NDUFS4: variants seen among roughly 807,000 people sequenced by gnomAD.
The protein encoded by NDUFS4 is NADH dehydrogenase [ubiquinone] iron-sulfur protein 4, mitochondrial.
In NDUFS4, 28 loss-of-function variants were observed where a neutral mutation model predicts 24.3. That is an observed-to-expected ratio of 1.15 (90% CI 0.85 to 1.58). The LOEUF (loss-of-function observed/expected upper bound fraction) is 1.58, where lower values mean the gene tolerates loss of function less well. NDUFS4 is among the 40% of genes most tolerant of loss of function. The pLI, the probability that NDUFS4 is intolerant of heterozygous loss-of-function variation, is 0.00. For synonymous variants in NDUFS4, 93 were observed against 69.7 expected, an observed-to-expected ratio of 1.34 and a Z score of -1.67; for missense variants, 223 against 207.9, an observed-to-expected ratio of 1.07 and a Z score of -0.45.
chr5:53,649,643 G>A (rs1236767755), intron 3 of NDUFS4, among the ~76,000 whole-genome samples: 1 of 152,130 alleles, frequency 6.6e-6, no homozygotes, highest in Non-Finnish European at 1.5e-5. Flanking sequence ...CTTTGCTATT[G>A]TGAATGGTTT....
At chr5:53,647,062 T>A (rs184364175) in intron 3 of NDUFS4, among the ~76,000 whole-genome samples, 2 of 151,534 alleles carry the variant, frequency 1.3e-5, no homozygotes, top group Non-Finnish European at 2.9e-5. Context: ...TACAATAAAC[T>A]TCTTTGTAAT....
At chr5:53,637,541 C>T (rs970119334) in intron 2 of NDUFS4, among the ~76,000 whole-genome samples, 1 of 152,020 alleles carries the variant, frequency 6.6e-6, no homozygotes, top group Admixed American at 6.6e-5. Flanking sequence ...AAGGATTATG[C>T]AGGGGGAGAA....
intron 1 of NDUFS4, among the ~76,000 whole-genome samples, chr5:53,600,452 G>A (rs2112453403): frequency 6.6e-6 from 1 of 152,204 alleles, no homozygotes; most frequent in South Asian, 2.1e-4. Context: ...GGGACTACAG[G>A]CATGCCCCAC....
At chr5:53,563,462 A>C (rs528494334) in intron 1 of NDUFS4, among the ~76,000 whole-genome samples, 1 of 151,066 alleles carries the variant, frequency 6.6e-6, no homozygotes. Context: ...ATTTCCCTGT[A>C]CCGAATGTGA....
At chr5:53,659,369 CTA>C (rs1752262055) in intron 4 of NDUFS4, among the ~76,000 whole-genome samples, 1 of 152,072 alleles carries the variant, frequency 6.6e-6, no homozygotes, top group African/African-American at 2.4e-5. Flanking sequence ...CACTTTGAAG[CTA>C]TATGATTTTG....
chr5:53,620,478 A>G (rs1178649095), intron 2 of NDUFS4, among the ~76,000 whole-genome samples: 1 of 152,198 alleles, frequency 6.6e-6, no homozygotes, highest in Non-Finnish European at 1.5e-5. Flanking sequence ...TTGCTGGTTG[A>G]TGAGATTTCT....
chr5:53,614,679 T>C (rs1750792801), intron 2 of NDUFS4, among the ~76,000 whole-genome samples: 1 of 152,018 alleles, frequency 6.6e-6, no homozygotes, highest in Non-Finnish European at 1.5e-5. Context: ...ATGCTAGTGC[T>C]GTATAACAGT....
intron 1 of NDUFS4, among the ~76,000 whole-genome samples, chr5:53,597,272 G>A (rs983431335): frequency 3.3e-5 from 5 of 152,178 alleles, no homozygotes; most frequent in Admixed American, 2.0e-4. Flanking sequence ...CTAAGAGACA[G>A]GGAGTGAAAA....
intron 4 of NDUFS4, among the ~76,000 whole-genome samples, chr5:53,681,154 C>T (rs561380742): frequency 1.3e-5 from 2 of 152,100 alleles, no homozygotes; most frequent in African/African-American, 4.8e-5. Context: ...TATTGAGTGC[C>T]TACTATAAAC....
intron 4 of NDUFS4, 102 bp from the exon 5 acceptor site, chr5:53,683,016 A>C: frequency 1.2e-6 from 1 of 811,912 alleles, no homozygotes; most frequent in Non-Finnish European, 2.2e-6. Context: ...ATGATAAATG[A>C]ACATTAAGTT....
At chr5:53,652,137 G>A (rs1380078362) in intron 3 of NDUFS4, among the ~76,000 whole-genome samples, 2 of 152,056 alleles carry the variant, frequency 1.3e-5, no homozygotes, top group East Asian at 1.9e-4. Flanking sequence ...TGGCTTGGAG[G>A]GTTTAACAGA....
At chr5:53,671,922 T>C (rs1393288933) in intron 4 of NDUFS4, among the ~76,000 whole-genome samples, 9 of 152,184 alleles carry the variant, frequency 5.9e-5, no homozygotes, top group African/African-American at 2.2e-4. Flanking sequence ...AAAAACTCTT[T>C]GAAATTCTCA....
intron 1 of NDUFS4, among the ~76,000 whole-genome samples, chr5:53,585,996 G>A (rs748626403): frequency 6.6e-6 from 1 of 151,970 alleles, no homozygotes; most frequent in Admixed American, 6.6e-5. Context: ...GCATTGCTTT[G>A]CTGACTAGTA....
chr5:53,585,042 C>T (rs1346558584), intron 1 of NDUFS4, among the ~76,000 whole-genome samples: 1 of 152,092 alleles, frequency 6.6e-6, no homozygotes, highest in Non-Finnish European at 1.5e-5. Context: ...GGATTTCAGA[C>T]GTGGGCCATA....
intron 4 of NDUFS4, among the ~76,000 whole-genome samples, chr5:53,667,595 C>A (rs1752555995): frequency 6.6e-6 from 1 of 151,812 alleles, no homozygotes; most frequent in Non-Finnish European, 1.5e-5. Flanking sequence ...GAAGGACATG[C>A]AAATGGATCC....
intron 1 of NDUFS4, among the ~76,000 whole-genome samples, chr5:53,581,068 G>T (rs775748384): frequency 3.3e-5 from 5 of 152,066 alleles, no homozygotes; most frequent in African/African-American, 4.8e-5. Context: ...CCCAACCTCA[G>T]GTGATCTGCT....
chr5:53,681,673 C>T (rs892395766), intron 4 of NDUFS4, among the ~76,000 whole-genome samples: 3 of 152,070 alleles, frequency 2.0e-5, no homozygotes, highest in African/African-American at 7.2e-5. Context: ...TATTTTCTCT[C>T]CTGGATTCTG....
At chr5:53,661,676 T>C (rs187729057) in intron 4 of NDUFS4, among the ~76,000 whole-genome samples, 14 of 152,318 alleles carry the variant, frequency 9.2e-5, no homozygotes, top group Admixed American at 7.8e-4. Flanking sequence ...TTTTATTTCA[T>C]TGAGCAGTGG....
chr5:53,623,974 C>T (rs1751141216), intron 2 of NDUFS4, among the ~76,000 whole-genome samples: 1 of 152,198 alleles, frequency 6.6e-6, no homozygotes, highest in Non-Finnish European at 1.5e-5. Flanking sequence ...GCCTCAGCCT[C>T]CCAAAGTGCT....
Sources: gnomAD v4.1 joint callset for allele counts (sites outside exome capture counted in the v4.1 genomes callset) on GRCh38, gnomAD v4.1.1 for gene constraint, MANE v1.5 for transcripts, NCBI Gene and HGNC (gene_info 2026-07-23, HGNC 2026-07-21) for gene names.